Variants in THRB observed in about 807,000 individuals in gnomAD.
THRB encodes thyroid hormone receptor beta.
In THRB, 12 loss-of-function variants were observed where a neutral mutation model predicts 47.8. The observed-to-expected ratio is 0.25, with a 90% CI of 0.16 to 0.41. The LOEUF (loss-of-function observed/expected upper bound fraction) is 0.41. Ranked by LOEUF, THRB falls within the 10% of genes least tolerant of loss-of-function variation. The probability of loss-of-function intolerance (pLI) is 1.00; values close to 1 mark genes in which losing one functional copy is unlikely to be tolerated. For missense variants in THRB, 348 were observed against 589.2 expected (o/e 0.59, Z 4.24); for synonymous variants, 218 against 212.2 (o/e 1.03, Z -0.24).
intron 5 of THRB, among the ~76,000 whole-genome samples, chr3:24,187,807 TG>T (rs1295587270): frequency 6.6e-6 from 1 of 152,244 alleles, no homozygotes; most frequent in Non-Finnish European, 1.5e-5. Flanking sequence ...ATCTTGTTGC[TG>T]TCCTGGACTC....
chr3:24,357,798 G>A lies in THRB; in HGVS notation c.-260-20427C>T, dbSNP rs138201810. 1.3e-3 allele frequency among the ~76,000 whole-genome samples: 193 copies of A among 152,164 alleles called. No individual in the cohort carries two copies. The East Asian group carries it at 0.033, about 26-fold the overall frequency. On this transcript the variant is annotated intron_variant, in intron 1 of 10. Transcript: ENST00000646209. ...GCTGTTCTTTGAGATTATAAACTAC[G>A]CTGTACTGGTGGAATGTATGTATTT...
chr3:24,152,372 T>C lies in THRB; in HGVS notation c.384+18A>G, dbSNP rs1392087413. 3 of 1,507,660 alleles carry C rather than the reference T, an allele frequency of 2.0e-6. No individual in the cohort carries two copies. The highest frequency in any genetic ancestry group is 1.1e-5 in the South Asian group (1 of 88,924). The allele number at this position is 1,507,660 out of a possible 1,614,324, so 93.4% of individuals were successfully genotyped here. A position where few individuals can be genotyped will look rare whatever the true frequency, so the allele number is the denominator to read the frequency against. On this transcript the variant is annotated intron_variant, in intron 6 of 10. Coordinates refer to ENST00000646209, the MANE Select transcript of THRB (RefSeq NM_001354712.2). ...GGAGCTGGGCTAAGCTCTGTGCTTGTGGACCCAGGGCAATTACCTTGCAGC... is the reference window on the plus strand; with the variant it reads ...GGAGCTGGGCTAAGCTCTGTGCTTGCGGACCCAGGGCAATTACCTTGCAGC...
At chr3:24,161,051 C>T (rs182688778) in intron 5 of THRB, among the ~76,000 whole-genome samples, 1 of 152,362 alleles carries the variant, frequency 6.6e-6, no homozygotes, top group Admixed American at 6.5e-5. Context: ...AAAGAGCTCA[C>T]GCTTTTGTCT....
chr3:24,296,486 A>T (rs568470627), intron 3 of THRB, among the ~76,000 whole-genome samples: 1 of 152,366 alleles, frequency 6.6e-6, no homozygotes, highest in African/African-American at 2.4e-5. Flanking sequence ...CTATGTGCCA[A>T]GGCACAGGAC....
At chr3:24,246,064 T>C (rs2050085907) in intron 3 of THRB, among the ~76,000 whole-genome samples, 1 of 152,216 alleles carries the variant, frequency 6.6e-6, no homozygotes, top group South Asian at 2.1e-4. Flanking sequence ...TAATATCATT[T>C]GTACATGTGT....
intron 7 of THRB, among the ~76,000 whole-genome samples, chr3:24,146,021 A>T (rs1242022924): frequency 6.6e-6 from 1 of 152,084 alleles, no homozygotes; most frequent in Non-Finnish European, 1.5e-5. Context: ...GGGAGAAGAG[A>T]CCCCAAGGGC....
chr3:24,196,950 T>G (rs1013757018), intron 4 of THRB, among the ~76,000 whole-genome samples: 2 of 152,200 alleles, frequency 1.3e-5, no homozygotes, highest in South Asian at 4.1e-4. Flanking sequence ...CCATCCACCC[T>G]CCAAACTTCC....
intron 3 of THRB, among the ~76,000 whole-genome samples, chr3:24,277,080 C>T (rs1031742751): frequency 2.0e-5 from 3 of 152,134 alleles, no homozygotes; most frequent in African/African-American, 4.8e-5. Context: ...TGGTAACAAT[C>T]GTAGCTGTCA....
chr3:24,220,643 G>C (rs1047004811), intron 4 of THRB, among the ~76,000 whole-genome samples: 5 of 152,154 alleles, frequency 3.3e-5, no homozygotes, highest in Non-Finnish European at 5.9e-5. Flanking sequence ...CGAATCTCTA[G>C]GAGTTTTGAG....
Position 24,187,499 on chromosome 3 carries a change from A to G in THRB, c.283+2575T>C, listed in dbSNP as rs770222794. Among the ~76,000 whole-genome samples, 6 of 152,256 alleles carry G rather than the reference A, an allele frequency of 3.9e-5. No homozygotes were observed. The South Asian group carries it at 8.3e-4, about 21-fold the overall frequency. ...ACTATTTTGTTCGTATCATTTCTACATGGGGTCCTTGGAATAGGGCTAGTT... is the reference window on the plus strand; with the variant it reads ...ACTATTTTGTTCGTATCATTTCTACGTGGGGTCCTTGGAATAGGGCTAGTT... On this transcript the variant is annotated intron_variant, in intron 5 of 10. Transcript: ENST00000646209.
rs115834986 is a variant in THRB, at chr3:24,422,907, A to G, written c.-261+71745T>C. 6.0e-3 allele frequency among the ~76,000 whole-genome samples: 915 copies of G among 151,944 alleles called. 12 individuals are homozygous for G. The highest frequency in any genetic ancestry group is 0.021 in the African/African-American group (877 of 41,508). On this transcript the variant is annotated intron_variant, in intron 1 of 10. Coordinates refer to ENST00000646209, the MANE Select transcript of THRB (RefSeq NM_001354712.2). ...TAGGGTAGCCATGTAACTTTGACCA[A>G]CAGAATGTGGAGGAAGTGATGTTCT...
At chr3:24,490,453 C>A (rs946251570) in intron 1 of THRB, among the ~76,000 whole-genome samples, 10 of 152,174 alleles carry the variant, frequency 6.6e-5, no homozygotes, top group African/African-American at 2.4e-4. Context: ...TCTACCCTTC[C>A]ATTCATTCTT....
chr3:24,164,336 G>A (rs1241374927), intron 5 of THRB, among the ~76,000 whole-genome samples: 1 of 152,158 alleles, frequency 6.6e-6, no homozygotes, highest in Non-Finnish European at 1.5e-5. Flanking sequence ...ATTTTGAAGT[G>A]TGTTTCACTT....
At chr3:24,430,311 A>C (rs2070242882) in intron 1 of THRB, 1 of 152,180 alleles carries the variant, frequency 6.6e-6, no homozygotes, top group African/African-American at 2.4e-5. Context: ...GACATAGACC[A>C]AAAGCAGCTT....
chr3:24,298,926 T>C (rs1187480188), intron 2 of THRB, among the ~76,000 whole-genome samples: 2 of 152,228 alleles, frequency 1.3e-5, no homozygotes, highest in Non-Finnish European at 2.9e-5. Context: ...GATAAGTTTT[T>C]TAAGTTAATA....
At chr3:24,429,250 ATATGT>A (rs562186167) in intron 1 of THRB, among the ~76,000 whole-genome samples, 150 of 150,550 alleles carry the variant, frequency 1.0e-3, no homozygotes, top group Middle Eastern at 3.6e-3. Context: ...CATATATACT[ATATGT>A]TATATTACAT....
At chr3:24,319,048 C>T (rs1228993812) in intron 2 of THRB, among the ~76,000 whole-genome samples, 1 of 152,148 alleles carries the variant, frequency 6.6e-6, no homozygotes, top group African/African-American at 2.4e-5. Context: ...ATTAAAGCCA[C>T]AATGAGAGAC....
chr3:24,455,564 T>A (rs940106499), intron 1 of THRB: 4 of 152,214 alleles, frequency 2.6e-5, no homozygotes, highest in Admixed American at 6.5e-5. Context: ...GGTATCAACA[T>A]AATACTTTTA....
intron 2 of THRB, among the ~76,000 whole-genome samples, chr3:24,319,260 T>C (rs989894307): frequency 3.9e-5 from 6 of 152,198 alleles, no homozygotes; most frequent in Non-Finnish European, 7.3e-5. Context: ...CCTAGGTTTA[T>C]ATCCAAGAGA....
Sources: gnomAD v4.1 joint callset for allele counts (sites outside exome capture counted in the v4.1 genomes callset) on GRCh38, gnomAD v4.1.1 for gene constraint, MANE v1.5 for transcripts, NCBI Gene and HGNC (gene_info 2026-07-23, HGNC 2026-07-21) for gene names.